The following SHQ1 variants were observed in gnomAD, a reference collection of about 807,000 sequenced individuals.
SHQ1 encodes SHQ1, H/ACA ribonucleoprotein assembly factor, also known as protein SHQ1 homolog.
Under a neutral mutation model 53.8 loss-of-function variants are expected in SHQ1, and 49 were observed. The observed-to-expected ratio is 0.91, with a 90% CI of 0.72 to 1.16. The LOEUF (loss-of-function observed/expected upper bound fraction) is 1.16, where lower values mean the gene tolerates loss of function less well. SHQ1 is among the 50% of genes most tolerant of loss of function. SHQ1 has a pLI of 0.00. For missense variants in SHQ1, 738 were observed against 683.1 expected, an observed-to-expected ratio of 1.08 and a Z score of -0.90; for synonymous variants, 243 against 251.0, an observed-to-expected ratio of 0.97 and a Z score of 0.30.
chr3:72,812,665 T>C lies in SHQ1; in HGVS notation c.1060+6A>G, dbSNP rs1039942788. On this transcript the variant is annotated splice_donor_region_variant and intron_variant, in intron 9 of 10. Coordinates refer to ENST00000325599, the MANE Select transcript of SHQ1 (RefSeq NM_018130.3). ...TCCCAAATTTGCAAGTACAGTAATA[T>C]CTTACCCAGTTGCAATATCTTTATA... 2.5e-6 allele frequency: 4 copies of C among 1,613,796 alleles called. No individual in the cohort carries two copies. Among genetic ancestry groups the C allele is most frequent in the Admixed American group, 3.3e-5 (2 of 59,998 alleles).
At chr3:72,761,270 C>T (rs1705603462) in intron 10 of SHQ1, among the ~76,000 whole-genome samples, 1 of 152,042 alleles carries the variant, frequency 6.6e-6, no homozygotes, top group South Asian at 2.1e-4. Flanking sequence ...CTACTGTGTT[C>T]AAGCAATCCT....
At chr3:72,795,065 C>T (rs914476034) in intron 9 of SHQ1, 4 of 152,170 alleles carry the variant, frequency 2.6e-5, no homozygotes, top group African/African-American at 4.8e-5. Flanking sequence ...TATATCACAA[C>T]GTTTTTATTA....
At chr3:72,736,548 T>C in the SHQ1 span, among the ~76,000 whole-genome samples, 38 of 151,494 alleles carry the variant, frequency 2.5e-4, no homozygotes, top group Admixed American at 2.2e-3. Flanking sequence ...CCTAGCACTT[T>C]GGGAGGCCGA....
chr3:72,829,090 T>A (rs140823809), intron 5 of SHQ1, among the ~76,000 whole-genome samples: 10 of 150,750 alleles, frequency 6.6e-5, no homozygotes, highest in African/African-American at 2.4e-4. Context: ...AACTTCAGGA[T>A]TGATTGAATG....
At chr3:72,767,157 C>T (rs1345104022) in intron 10 of SHQ1, among the ~76,000 whole-genome samples, 7 of 152,146 alleles carry the variant, frequency 4.6e-5, no homozygotes, top group African/African-American at 1.7e-4. Context: ...TGAGGGCTTC[C>T]AAATTGCTTT....
intron 9 of SHQ1, among the ~76,000 whole-genome samples, chr3:72,803,207 T>C (rs1262066242): frequency 6.6e-6 from 1 of 152,212 alleles, no homozygotes; most frequent in Non-Finnish European, 1.5e-5. Context: ...ACTTTACTTC[T>C]TTGTTCATAC....
rs1489691941 is a variant in SHQ1, at chr3:72,848,112, G to A, written c.143+86C>T. ...CGGGAAAAGGCATTCGCGCAATCGAGCACTGCTCTCTCGACCTTGCATTCT... is the reference window on the plus strand; with the variant it reads ...CGGGAAAAGGCATTCGCGCAATCGAACACTGCTCTCTCGACCTTGCATTCT... On this transcript the variant is annotated intron_variant, in intron 1 of 10. Transcript: ENST00000325599. The A allele has an allele frequency of 2.6e-6, 4 of 1,523,324 alleles. No homozygotes were observed. The East Asian group carries it at 6.8e-5, about 26-fold the overall frequency. 94.4% of individuals were successfully genotyped at this position (1,523,324 alleles called of 1,614,324 possible).
intron 10 of SHQ1, among the ~76,000 whole-genome samples, chr3:72,786,426 C>T (rs916992639): frequency 2.6e-5 from 4 of 152,142 alleles, no homozygotes; most frequent in African/African-American, 9.7e-5. Flanking sequence ...AACCTCTAGC[C>T]TCACTTCTTT....
At chr3:72,843,076 CAAA>C (rs767123809) in intron 2 of SHQ1, among the ~76,000 whole-genome samples, 1 of 86,738 alleles carries the variant, frequency 1.2e-5, no homozygotes. Flanking sequence ...GATTCTGTCT[CAAA>C]AAAAAAAAAA....
the SHQ1 span, among the ~76,000 whole-genome samples, chr3:72,726,808 C>A: frequency 6.6e-6 from 1 of 152,154 alleles, no homozygotes; most frequent in Non-Finnish European, 1.5e-5. Context: ...TCAATTACTG[C>A]GTCGGCCCCC....
At chr3:72,811,701 A>G (rs571908042) in intron 9 of SHQ1, among the ~76,000 whole-genome samples, 1 of 152,364 alleles carries the variant, frequency 6.6e-6, no homozygotes, top group African/African-American at 2.4e-5. Flanking sequence ...AGAAGACTAC[A>G]GGTTACACAG....
intron 10 of SHQ1, among the ~76,000 whole-genome samples, chr3:72,757,979 A>C (rs1214103530): frequency 6.6e-6 from 1 of 152,222 alleles, no homozygotes; most frequent in African/African-American, 2.4e-5. Flanking sequence ...TTAAAAGTTA[A>C]ATTTTTTTAA....
intron 4 of SHQ1, among the ~76,000 whole-genome samples, chr3:72,834,407 G>A (rs557356453): frequency 3.3e-5 from 5 of 152,274 alleles, no homozygotes; most frequent in South Asian, 2.1e-4. Flanking sequence ...GCGTGCACCT[G>A]TAATCCCAGC....
downstream of SHQ1, chr3:72,749,185 TA>T: frequency 5.3e-6 from 1 of 189,200 alleles, no homozygotes; most frequent in East Asian, 8.4e-5. Flanking sequence ...AGCATTTTCT[TA>T]AAACATTAAA....
intron 6 of SHQ1, among the ~76,000 whole-genome samples, chr3:72,819,496 C>G (rs1387437049): frequency 6.6e-6 from 1 of 151,924 alleles, no homozygotes; most frequent in Non-Finnish European, 1.5e-5. Context: ...AAGGTTTCCC[C>G]AATCCTTGAA....
At position 72,848,268 on chromosome 3, in the gene SHQ1, G is replaced by C. The variant is rs758930353; in HGVS notation, c.73C>G (p.Arg25Gly). The C allele has an allele frequency of 2.5e-6, 4 of 1,614,040 alleles. No individual in the cohort carries two copies. Among genetic ancestry groups the C allele is most frequent in the Non-Finnish European group, 3.4e-6 (4 of 1,180,040 alleles). ...LTIAIRVPYA[R>G]VSEFDVYFEG... ...AAGTAGACGTCGAACTCGGAGACCC[G>C]GGCGTAGGGCACGCGGATGGCGATA... Residue 25 changes from arginine (R) to glycine (G), a missense_variant, in exon 1 of 11, where the codon CGG becomes GGG. Physicochemically the swap from Arg to Gly is moderately radical, Grantham distance 125 (BLOSUM62 -2). Transcript: ENST00000325599.
chr3:72,771,249 A>G (rs1705844266), intron 10 of SHQ1, among the ~76,000 whole-genome samples: 1 of 152,214 alleles, frequency 6.6e-6, no homozygotes. Flanking sequence ...GCTCCAAAAA[A>G]TGACTGCTCA....
At chr3:72,740,566 C>T in the SHQ1 span, among the ~76,000 whole-genome samples, 1 of 152,132 alleles carries the variant, frequency 6.6e-6, no homozygotes, top group Non-Finnish European at 1.5e-5. Flanking sequence ...TGTCCTGTTA[C>T]GTATAAGAAA....
Position 72,817,158 on chromosome 3 carries a change from A to G in SHQ1, c.882+72T>C, listed in dbSNP as rs528307375. The G allele has an allele frequency of 1.1e-5, 17 of 1,495,302 alleles. No individual in the cohort carries two copies. The African/African-American group carries it at 2.2e-4, about 20-fold the overall frequency. The allele number at this position is 1,495,302 out of a possible 1,614,324, so 92.6% of individuals were successfully genotyped here. ...CACCACCAGTTCTACTCTAGACAAG[A>G]AAGACTGATGCTTTAATGCAGTTTA... On this transcript the variant is annotated intron_variant, in intron 7 of 10. Coordinates refer to ENST00000325599, the MANE Select transcript of SHQ1 (RefSeq NM_018130.3).
Sources: allele counts gnomAD v4.1 joint callset (sites outside exome capture counted in the v4.1 genomes callset), GRCh38; gene constraint gnomAD v4.1.1; transcripts MANE v1.5; gene names NCBI Gene and HGNC (gene_info 2026-07-23, HGNC 2026-07-21).